The following EFCAB6 variants were observed in gnomAD, a reference collection of about 807,000 sequenced individuals.
EFCAB6 encodes the protein EF-hand calcium binding domain 6.
Under a neutral mutation model 169.8 loss-of-function variants are expected in EFCAB6, and 156 were observed. The observed-to-expected ratio is 0.92, with a 90% confidence interval of 0.81 to 1.05. The LOEUF is 1.05. EFCAB6 is among the 50% of genes least tolerant of loss of function. The probability of loss-of-function intolerance (pLI) is 0.00; values close to 1 mark genes in which losing one functional copy is unlikely to be tolerated. For synonymous variants in EFCAB6, 698 were observed against 676.4 expected, an observed-to-expected ratio of 1.03 and a Z score of -0.50; for missense variants, 1,800 against 1,829.1, an observed-to-expected ratio of 0.98 and a Z score of 0.29.
intron 2 of EFCAB6, among the ~76,000 whole-genome samples, chr22:43,798,964 T>A (rs530463339): frequency 1.3e-5 from 2 of 152,186 alleles, no homozygotes; most frequent in Non-Finnish European, 2.9e-5. Context: ...CTCTGATTCA[T>A]CCTCCTCTGT....
intron 17 of EFCAB6, among the ~76,000 whole-genome samples, chr22:43,653,757 G>A (rs935341617): frequency 5.3e-5 from 8 of 152,048 alleles, no homozygotes; most frequent in African/African-American, 1.4e-4. Flanking sequence ...GAGAGGGAGC[G>A]ATTTCTAGTG....
chr22:43,651,131 C>T (rs918895276), intron 17 of EFCAB6, among the ~76,000 whole-genome samples: 1 of 152,182 alleles, frequency 6.6e-6, no homozygotes, highest in African/African-American at 2.4e-5. Flanking sequence ...GAAAATGTCT[C>T]CAGGGCATGT....
chr22:43,765,624 AC>A (rs1219969829), intron 4 of EFCAB6, among the ~76,000 whole-genome samples: 1 of 152,154 alleles, frequency 6.6e-6, no homozygotes, highest in Non-Finnish European at 1.5e-5. Context: ...TCTGTGCCCA[AC>A]TGAAAGTCGA....
chr22:43,697,894 G>C (rs185193336), intron 10 of EFCAB6, among the ~76,000 whole-genome samples: 1 of 152,296 alleles, frequency 6.6e-6, no homozygotes, highest in Non-Finnish European at 1.5e-5. Context: ...TCGACAGATG[G>C]ATAGTGTCAG....
At chr22:43,734,003 G>A (rs1331083044) in intron 7 of EFCAB6, among the ~76,000 whole-genome samples, 2 of 152,134 alleles carry the variant, frequency 1.3e-5, no homozygotes, top group Non-Finnish European at 1.5e-5. Flanking sequence ...CACCGCGCCC[G>A]GCCAGTCCCC....
rs777519638 is a variant in EFCAB6 at position 43,580,636 on chromosome 22, T to C, written c.3056A>G (p.Asn1019Ser). Residue 1019 changes from asparagine (N) to serine (S), a missense_variant, in exon 25 of 32, where the codon AAT becomes AGT. By Grantham distance (46) the Asn-to-Ser change is conservative. Transcript: ENST00000262726. ...LNSWGVSRHDNAINYLDFLRA... is the reference protein window; with the variant it reads ...LNSWGVSRHDSAINYLDFLRA... ...CAGGAAGTCGAGGTAATTGATAGCA[T>C]TATCATGCCGGCTGACTCCCCAACT... 4 of 1,614,082 alleles carry C rather than the reference T, an allele frequency of 2.5e-6. No homozygotes were observed. The highest frequency in any genetic ancestry group is 2.2e-5 in the South Asian group (2 of 91,046).
intron 2 of EFCAB6, among the ~76,000 whole-genome samples, chr22:43,783,843 T>G (rs2061914363): frequency 6.6e-6 from 1 of 152,046 alleles, no homozygotes; most frequent in Non-Finnish European, 1.5e-5. Flanking sequence ...AGTTCAAGAC[T>G]TGAGCCCAGA....
At chr22:43,754,566 A>G (rs1373397513) in intron 6 of EFCAB6, among the ~76,000 whole-genome samples, 2 of 152,216 alleles carry the variant, frequency 1.3e-5, no homozygotes, top group East Asian at 1.9e-4. Context: ...TTCAACTCTT[A>G]GCAGGGGGTT....
At chr22:43,587,062 C>A (rs2051124784) in intron 24 of EFCAB6, among the ~76,000 whole-genome samples, 1 of 152,134 alleles carries the variant, frequency 6.6e-6, no homozygotes, top group South Asian at 2.1e-4. Context: ...CCCTCAGAGG[C>A]TCTGGAACTG....
intron 17 of EFCAB6, among the ~76,000 whole-genome samples, chr22:43,638,461 C>T (rs2055578109): frequency 6.6e-6 from 1 of 152,186 alleles, no homozygotes; most frequent in African/African-American, 2.4e-5. Flanking sequence ...TGTAGACCGA[C>T]TCTTCCCCAG....
chr22:43,782,819 A>G (rs1307552684), intron 2 of EFCAB6, among the ~76,000 whole-genome samples: 1 of 152,184 alleles, frequency 6.6e-6, no homozygotes, highest in East Asian at 1.9e-4. Context: ...AACTCTGGAA[A>G]TTAACCAAAG....
At chr22:43,540,662 G>T in intron 27 of EFCAB6, 1 of 915,714 alleles carries the variant, frequency 1.1e-6, no homozygotes, top group Non-Finnish European at 1.5e-6. Flanking sequence ...CAGTGCCTGA[G>T]CTGCAGTGTA....
chr22:43,729,092 G>A (rs1340193805), intron 8 of EFCAB6, among the ~76,000 whole-genome samples: 1 of 152,196 alleles, frequency 6.6e-6, no homozygotes, highest in African/African-American at 2.4e-5. Context: ...GAGGGAGCAA[G>A]GCAGAGGAGG....
chr22:43,548,539 CAAAAAAAAAAAAAAAAAA>C (rs397868076), intron 27 of EFCAB6, among the ~76,000 whole-genome samples: 1 of 36,730 alleles, frequency 2.7e-5, no homozygotes, highest in Non-Finnish European at 4.6e-5. Context: ...GAATCCATCT[CAAAAAAAAAAAAAAAAAA>C]AAAAAAAAAA....
chr22:43,584,788 C>T (rs1478036861), intron 24 of EFCAB6, among the ~76,000 whole-genome samples: 4 of 152,156 alleles, frequency 2.6e-5, no homozygotes, highest in Admixed American at 2.6e-4. Context: ...GTTTCCCCTC[C>T]CCAATATTTT....
chr22:43,710,488 G>A (rs1420795294), intron 10 of EFCAB6, among the ~76,000 whole-genome samples: 2 of 152,210 alleles, frequency 1.3e-5, no homozygotes, highest in Non-Finnish European at 2.9e-5. Context: ...TTTGGAGGAT[G>A]CCAGGGAACC....
chr22:43,776,034 T>G (rs1374873523), intron 3 of EFCAB6, among the ~76,000 whole-genome samples: 2 of 152,362 alleles, frequency 1.3e-5, no homozygotes, highest in East Asian at 3.9e-4. Context: ...GCCACAATGT[T>G]TAGGGCATTT....
At chr22:43,654,497 G>A (rs2056637166) in intron 17 of EFCAB6, among the ~76,000 whole-genome samples, 1 of 152,222 alleles carries the variant, frequency 6.6e-6, no homozygotes, top group African/African-American at 2.4e-5. Context: ...TGATGAGAAG[G>A]GCACCCGCCT....
chr22:43,721,981 A>G (rs2147496115), intron 8 of EFCAB6, among the ~76,000 whole-genome samples: 1 of 152,174 alleles, frequency 6.6e-6, no homozygotes, highest in East Asian at 1.9e-4. Context: ...AAATATTTGA[A>G]AAGTATGCAT....
Sources: gnomAD v4.1 joint callset for allele counts (sites outside exome capture counted in the v4.1 genomes callset) on GRCh38, gnomAD v4.1.1 for gene constraint, MANE v1.5 for transcripts, NCBI Gene and HGNC (gene_info 2026-07-23, HGNC 2026-07-21) for gene names.